ZYG11B: variants seen among roughly 807,000 people sequenced by gnomAD.
ZYG11B encodes zyg-11 family member B, cell cycle regulator.
ZYG11B carries 36 observed loss-of-function variants against 82.4 expected under a neutral mutation model. The observed-to-expected ratio is 0.44, with a 90% CI of 0.33 to 0.58. The LOEUF is 0.58. Among genes scored for constraint, ZYG11B ranks in the 20% least tolerant of loss-of-function variants. The pLI is 0.02. For missense variants in ZYG11B, 552 were observed against 895.6 expected, an observed-to-expected ratio of 0.62 and a Z score of 4.90; for synonymous variants, 303 against 312.8, an observed-to-expected ratio of 0.97 and a Z score of 0.33.
chr1:52,814,382 C>T (rs1645207215), intron 12 of ZYG11B, among the ~76,000 whole-genome samples: 1 of 152,198 alleles, frequency 6.6e-6, no homozygotes, highest in Admixed American at 6.6e-5. Flanking sequence ...TATCACTCTT[C>T]ATGTTTCCTT....
chr1:52,811,813 G>C (rs373930883), intron 10 of ZYG11B, among the ~76,000 whole-genome samples: 1 of 151,990 alleles, frequency 6.6e-6, no homozygotes, highest in African/African-American at 2.4e-5. Context: ...GGCGGATCAC[G>C]AGGTCAGGAA....
intron 1 of ZYG11B, among the ~76,000 whole-genome samples, chr1:52,755,907 C>A (rs1351961538): frequency 2.0e-5 from 3 of 152,156 alleles, no homozygotes. Flanking sequence ...TCAAGTGATT[C>A]TCCTGCCTCA....
At chr1:52,792,992 C>T (rs1221640176) in intron 6 of ZYG11B, among the ~76,000 whole-genome samples, 1 of 152,022 alleles carries the variant, frequency 6.6e-6, no homozygotes, top group South Asian at 2.1e-4. Context: ...AGATGTGCGC[C>T]GCTACGCAAG....
chr1:52,782,211 A>G (rs1416397018), intron 4 of ZYG11B, among the ~76,000 whole-genome samples: 1 of 151,736 alleles, frequency 6.6e-6, no homozygotes, highest in Non-Finnish European at 1.5e-5. Context: ...CTGGAACTAC[A>G]AGCTAATAAC....
chr1:52,786,093 G>A (rs925506668), intron 5 of ZYG11B, among the ~76,000 whole-genome samples: 4 of 152,122 alleles, frequency 2.6e-5, no homozygotes, highest in African/African-American at 9.7e-5. Context: ...AAAGATGAAA[G>A]TAAAAATTAA....
chr1:52,797,490 G>T (rs1397240019), intron 8 of ZYG11B, among the ~76,000 whole-genome samples: 1 of 45,070 alleles, frequency 2.2e-5, no homozygotes, highest in East Asian at 9.0e-4. Flanking sequence ...TATATAATAT[G>T]TATAATATAT....
At chr1:52,736,732 C>T (rs373579548) in intron 1 of ZYG11B, among the ~76,000 whole-genome samples, 2 of 151,812 alleles carry the variant, frequency 1.3e-5, no homozygotes, top group Non-Finnish European at 2.9e-5. Context: ...GGATGACAGG[C>T]GTGAACCACC....
Position 52,822,781 on chromosome 1 carries a change from A to G in ZYG11B, c.*1152A>G, listed in dbSNP as rs1645293003. On this transcript the variant is annotated 3_prime_UTR_variant, in exon 14 of 14. Coordinates refer to ENST00000294353, the MANE Select transcript of ZYG11B (RefSeq NM_024646.3). ...TAACAGCACATATTTTTGACAGATTATTTTTTAGGCAATTACCTTTCCTTA... is the reference window on the plus strand; with the variant it reads ...TAACAGCACATATTTTTGACAGATTGTTTTTTAGGCAATTACCTTTCCTTA... 1 of 152,202 alleles carries G rather than the reference A, an allele frequency of 6.6e-6. No individual in the cohort carries two copies. Among genetic ancestry groups the G allele is most frequent in the South Asian group, 2.1e-4 (1 of 4,830 alleles). The allele number at this position is 152,202 out of a possible 1,614,324, so 9.4% of individuals were successfully genotyped here.
chr1:52,826,268 A>G lies in ZYG11B; in HGVS notation c.*4639A>G, dbSNP rs1645324285. 1 of 152,046 alleles carries G rather than the reference A, an allele frequency of 6.6e-6. No homozygotes were observed. 9.4% of individuals were successfully genotyped at this position (152,046 alleles called of 1,614,324 possible). On this transcript the variant is annotated 3_prime_UTR_variant, in exon 14 of 14. Transcript: ENST00000294353. ...ACACAGCTCCCAGAGAGGTTTGCAAACTTTTGGTTTCCCTCTCAAATCCAT... is the reference window on the plus strand; with the variant it reads ...ACACAGCTCCCAGAGAGGTTTGCAAGCTTTTGGTTTCCCTCTCAAATCCAT...
At chr1:52,739,074 G>T (rs746473909) in intron 1 of ZYG11B, among the ~76,000 whole-genome samples, 12 of 130,514 alleles carry the variant, frequency 9.2e-5, no homozygotes, top group African/African-American at 3.3e-4. Context: ...CTCCACCTCC[G>T]CCTCCCGGGG....
At chr1:52,770,911 A>C in intron 2 of ZYG11B, 109 bp from the exon 3 acceptor site, 1 of 1,186,414 alleles carries the variant, frequency 8.4e-7, no homozygotes, top group Non-Finnish European at 1.2e-6. Context: ...TGTGATTATC[A>C]GACGAGATAC....
chr1:52,796,472 C>A, intron 7 of ZYG11B, 81 bp downstream of exon 7: 3 of 1,197,722 alleles, frequency 2.5e-6, no homozygotes, highest in Non-Finnish European at 2.4e-6. Context: ...AAGCTGTGTG[C>A]CAGAAACATT....
chr1:52,783,865 T>C (rs1203380630), intron 4 of ZYG11B, among the ~76,000 whole-genome samples: 2 of 146,702 alleles, frequency 1.4e-5, no homozygotes, highest in African/African-American at 5.0e-5. Context: ...TGTGTGTATG[T>C]ACATACACGT....
chr1:52,772,326 A>G, intron 3 of ZYG11B: 1 of 1,441,430 alleles, frequency 6.9e-7, no homozygotes, highest in Non-Finnish European at 9.8e-7. Context: ...TAGCATCCTT[A>G]TCCTTTCTGT....
intron 3 of ZYG11B, 59 bp from the exon 4 acceptor site, chr1:52,779,794 A>G (rs1644840091): frequency 3.1e-6 from 5 of 1,599,522 alleles, no homozygotes; most frequent in African/African-American, 1.3e-5. Flanking sequence ...CTGGCCACAC[A>G]TGATAATTAG....
At chr1:52,813,402 T>C in intron 10 of ZYG11B, 134 bp from the exon 11 acceptor site, 1 of 682,104 alleles carries the variant, frequency 1.5e-6, no homozygotes, top group Non-Finnish European at 2.4e-6. Flanking sequence ...TGCCCTCATT[T>C]GAATACTTTC....
chr1:52,756,059 C>T (rs1644573668), intron 1 of ZYG11B, among the ~76,000 whole-genome samples: 1 of 152,310 alleles, frequency 6.6e-6, no homozygotes, highest in Non-Finnish European at 1.5e-5. Context: ...CTCGGCCCTA[C>T]CCTATTTTTA....
intron 8 of ZYG11B, among the ~76,000 whole-genome samples, chr1:52,801,434 A>G (rs1645074982): frequency 6.6e-6 from 1 of 152,216 alleles, no homozygotes; most frequent in Non-Finnish European, 1.5e-5. Flanking sequence ...TAACAGTACT[A>G]CAATATAGAA....
chr1:52,758,068 C>T (rs1325186386), intron 2 of ZYG11B, among the ~76,000 whole-genome samples: 4 of 151,484 alleles, frequency 2.6e-5, no homozygotes, highest in African/African-American at 7.3e-5. Flanking sequence ...GGCGTGGTGG[C>T]GCACACCTGT....
Sources: gnomAD v4.1 joint callset for allele counts (sites outside exome capture counted in the v4.1 genomes callset) on GRCh38, gnomAD v4.1.1 for gene constraint, MANE v1.5 for transcripts, NCBI Gene and HGNC (gene_info 2026-07-23, HGNC 2026-07-21) for gene names.